KCND2: variants seen among roughly 807,000 people sequenced by gnomAD.
The protein encoded by KCND2 is potassium voltage-gated channel subfamily D member 2.
KCND2 carries 16 observed loss-of-function variants against 54.4 expected under a neutral mutation model. That is an observed-to-expected ratio of 0.29 (90% CI 0.20 to 0.45). The LOEUF (loss-of-function observed/expected upper bound fraction) is 0.45. KCND2 is among the 20% of genes least tolerant of loss of function. KCND2 has a pLI of 1.00. For synonymous variants in KCND2, 317 were observed against 310.7 expected (o/e 1.02, Z -0.21); for missense variants, 486 against 824.2 (o/e 0.59, Z 5.02).
intron 1 of KCND2, among the ~76,000 whole-genome samples, chr7:120,363,206 G>A (rs906473225): frequency 6.6e-6 from 1 of 152,062 alleles, no homozygotes; most frequent in Non-Finnish European, 1.5e-5. Flanking sequence ...TGAGGAAAGA[G>A]GGTGACTTGA....
chr7:120,506,108 G>T (rs1479899606), intron 1 of KCND2, among the ~76,000 whole-genome samples: 1 of 151,760 alleles, frequency 6.6e-6, no homozygotes, highest in East Asian at 1.9e-4. Context: ...AGAGGGAGGT[G>T]CAAGCTGTGA....
chr7:120,732,835 C>A (rs1792824185), intron 1 of KCND2, 68 bp from the exon 2 acceptor site: 8 of 1,358,562 alleles, frequency 5.9e-6, no homozygotes, highest in African/African-American at 1.5e-5. Flanking sequence ...GGAAAAAATT[C>A]TTAGTTTCAG....
At chr7:120,314,255 C>G (rs1434842460) in intron 1 of KCND2, among the ~76,000 whole-genome samples, 3 of 151,520 alleles carry the variant, frequency 2.0e-5, no homozygotes, top group Admixed American at 1.3e-4. Context: ...ATGCATTGAA[C>G]CCGGGAGGTG....
At chr7:120,581,020 T>A (rs1450295550) in intron 1 of KCND2, among the ~76,000 whole-genome samples, 1 of 152,258 alleles carries the variant, frequency 6.6e-6, no homozygotes, top group East Asian at 1.9e-4. Context: ...TTGTTTGAGA[T>A]AACTTTCAAT....
At chr7:120,307,152 CTGA>C (rs1799659954) in intron 1 of KCND2, among the ~76,000 whole-genome samples, 1 of 151,938 alleles carries the variant, frequency 6.6e-6, no homozygotes, top group Admixed American at 6.6e-5. Flanking sequence ...TTTCCAAACT[CTGA>C]TGTCATTTTT....
intron 1 of KCND2, among the ~76,000 whole-genome samples, chr7:120,565,308 G>T (rs1792283322): frequency 1.3e-5 from 2 of 152,100 alleles, no homozygotes; most frequent in African/African-American, 4.8e-5. Flanking sequence ...AAATAGATTG[G>T]AGTTGTTTAA....
At chr7:120,399,181 A>C (rs1168101072) in intron 1 of KCND2, among the ~76,000 whole-genome samples, 1 of 151,722 alleles carries the variant, frequency 6.6e-6, no homozygotes, top group African/African-American at 2.4e-5. Context: ...TAGAAGCATA[A>C]TATTTTTAAA....
At chr7:120,357,407 C>G (rs1262722380) in intron 1 of KCND2, among the ~76,000 whole-genome samples, 5 of 152,098 alleles carry the variant, frequency 3.3e-5, no homozygotes, top group African/African-American at 1.2e-4. Context: ...TTTTTACCCT[C>G]CTATCCCATC....
At chr7:120,423,864 A>T (rs954392871) in intron 1 of KCND2, among the ~76,000 whole-genome samples, 1 of 152,152 alleles carries the variant, frequency 6.6e-6, no homozygotes, top group Non-Finnish European at 1.5e-5. Flanking sequence ...TTTATTTTCT[A>T]TCAGAGCATT....
At chr7:120,701,376 CCTGATAGGGAGACT>C (rs1219724795) in intron 1 of KCND2, among the ~76,000 whole-genome samples, 1 of 151,658 alleles carries the variant, frequency 6.6e-6, no homozygotes, top group Non-Finnish European at 1.5e-5. Context: ...GCTCTTCCTG[CCTGATAGGGAGACT>C]GGAACAAGAA....
chr7:120,646,191 A>G (rs950956960), intron 1 of KCND2, among the ~76,000 whole-genome samples: 4 of 152,208 alleles, frequency 2.6e-5, no homozygotes, highest in East Asian at 1.9e-4. Context: ...ACGCAGCCCA[A>G]TAAGTGATTC....
At chr7:120,360,998 C>T (rs140440677) in intron 1 of KCND2, among the ~76,000 whole-genome samples, 102 of 152,108 alleles carry the variant, frequency 6.7e-4, no homozygotes, top group Middle Eastern at 3.4e-3. Flanking sequence ...AAATGAAATT[C>T]ATTTCAGCTC....
chr7:120,487,959 T>A (rs185224565), intron 1 of KCND2, among the ~76,000 whole-genome samples: 1 of 152,154 alleles, frequency 6.6e-6, no homozygotes, highest in African/African-American at 2.4e-5. Flanking sequence ...GGCAGGCAGA[T>A]CGCTTGTGCC....
At chr7:120,515,699 T>C (rs1190904292) in intron 1 of KCND2, among the ~76,000 whole-genome samples, 1 of 152,056 alleles carries the variant, frequency 6.6e-6, no homozygotes, top group Non-Finnish European at 1.5e-5. Flanking sequence ...TGTTTCCACC[T>C]CTGGGATTGA....
intron 1 of KCND2, among the ~76,000 whole-genome samples, chr7:120,722,096 T>A (rs1792673915): frequency 6.6e-6 from 1 of 152,146 alleles, no homozygotes; most frequent in African/African-American, 2.4e-5. Flanking sequence ...CCTTCCTTTA[T>A]AAATTGTCCA....
chr7:120,527,968 C>T (rs1791796831), intron 1 of KCND2, among the ~76,000 whole-genome samples: 1 of 152,164 alleles, frequency 6.6e-6, no homozygotes, highest in Admixed American at 6.6e-5. Context: ...GTTGCTGTGA[C>T]CTAATTGTGG....
At chr7:120,733,105 C>A in intron 2 of KCND2, 40 bp downstream of exon 2, 2 of 1,604,752 alleles carry the variant, frequency 1.2e-6, no homozygotes, top group South Asian at 1.1e-5. Flanking sequence ...TTAGCACTTC[C>A]CACTTTTTAT....
At position 120,376,834 on chromosome 7, in the gene KCND2, C is replaced by T. The variant is rs2116014731; in HGVS notation, c.1115+101087C>T. ...CAAATTTATGTATGTTAATTGTGTT[C>T]TTTAAAGCATTCACACAACTCACTA... On this transcript the variant is annotated intron_variant, in intron 1 of 5. Transcript: ENST00000331113. 2.0e-5 allele frequency among the ~76,000 whole-genome samples: 3 copies of T among 151,984 alleles called. No homozygotes were observed. The South Asian group carries it at 6.2e-4, about 31-fold the overall frequency.
intron 1 of KCND2, among the ~76,000 whole-genome samples, chr7:120,282,624 A>G (rs957732030): frequency 5.3e-5 from 8 of 152,174 alleles, no homozygotes; most frequent in Admixed American, 1.3e-4. Flanking sequence ...AAAGAGTAGG[A>G]TGACAGTTGA....
Sources: gnomAD v4.1 joint callset for allele counts (sites outside exome capture counted in the v4.1 genomes callset) on GRCh38, gnomAD v4.1.1 for gene constraint, MANE v1.5 for transcripts, NCBI Gene and HGNC (gene_info 2026-07-23, HGNC 2026-07-21) for gene names.